The following LHFPL6 variants were observed in gnomAD, a reference collection of about 807,000 sequenced individuals.
The protein encoded by LHFPL6 is LHFPL tetraspan subfamily member 6 protein.
A neutral mutation model predicts 20.6 loss-of-function variants in LHFPL6; 9 were observed. The observed-to-expected ratio is 0.44, with a 90% CI of 0.26 to 0.76. LHFPL6 has a LOEUF of 0.76. Among genes scored for constraint, LHFPL6 ranks in the 30% least tolerant of loss-of-function variants. LHFPL6 has a pLI of 0.20. For synonymous variants in LHFPL6, 105 were observed against 98.7 expected, an observed-to-expected ratio of 1.06 and a Z score of -0.38; for missense variants, 218 against 253.5, an observed-to-expected ratio of 0.86 and a Z score of 0.95.
At chr13:39,421,476 C>G (rs917693004) in intron 2 of LHFPL6, among the ~76,000 whole-genome samples, 1 of 152,138 alleles carries the variant, frequency 6.6e-6, no homozygotes, top group African/African-American at 2.4e-5. Context: ...AAAAAATTCT[C>G]ATTGTCATTT....
chr13:39,409,752 T>C (rs115772739), intron 2 of LHFPL6, among the ~76,000 whole-genome samples: 202 of 152,172 alleles, frequency 1.3e-3, no homozygotes, highest in African/African-American at 4.7e-3. Flanking sequence ...ATTACAAATG[T>C]CATTTGGTTA....
chr13:39,526,161 T>C (rs1266000227), intron 2 of LHFPL6, among the ~76,000 whole-genome samples: 2 of 152,206 alleles, frequency 1.3e-5, no homozygotes, highest in African/African-American at 2.4e-5. Context: ...TAACCCTATA[T>C]TGACTGATGT....
At chr13:39,500,122 AC>A (rs1201966435) in intron 2 of LHFPL6, among the ~76,000 whole-genome samples, 1 of 151,682 alleles carries the variant, frequency 6.6e-6, no homozygotes, top group Non-Finnish European at 1.5e-5. Context: ...GTTTCTTCAA[AC>A]CCTTCATCAT....
At chr13:39,531,553 G>A in intron 2 of LHFPL6, among the ~76,000 whole-genome samples, 1 of 152,090 alleles carries the variant, frequency 6.6e-6, no homozygotes, top group East Asian at 1.9e-4. Context: ...AAATAAAAGG[G>A]TACAGAAGTA....
At chr13:39,463,453 A>G (rs1262843513) in intron 2 of LHFPL6, among the ~76,000 whole-genome samples, 2 of 152,232 alleles carry the variant, frequency 1.3e-5, no homozygotes, top group African/African-American at 4.8e-5. Flanking sequence ...TATTGATTAT[A>G]AAACTATTCA....
intron 2 of LHFPL6, among the ~76,000 whole-genome samples, chr13:39,553,111 T>G (rs1282991812): frequency 2.0e-5 from 3 of 152,108 alleles, no homozygotes; most frequent in Admixed American, 2.0e-4. Flanking sequence ...AATGAGAAAA[T>G]TGAAATATGT....
chr13:39,542,133 A>AT (rs57877231), intron 2 of LHFPL6, among the ~76,000 whole-genome samples: 5 of 138,782 alleles, frequency 3.6e-5, no homozygotes, highest in South Asian at 2.4e-4. Context: ...AATAATAATA[A>AT]AATAAAAATG....
At chr13:39,359,348 T>C (rs79240221) in intron 3 of LHFPL6, among the ~76,000 whole-genome samples, 2,469 of 152,236 alleles carry the variant, frequency 0.016, 32 homozygotes, top group South Asian at 0.065. Flanking sequence ...CCAAAATAAA[T>C]TGTTCTACCA....
At chr13:39,586,715 G>A (rs961742176) in intron 2 of LHFPL6, among the ~76,000 whole-genome samples, 1 of 152,004 alleles carries the variant, frequency 6.6e-6, no homozygotes, top group Non-Finnish European at 1.5e-5. Flanking sequence ...TCTCACCATC[G>A]CTGGCCAACA....
chr13:39,405,002 T>C (rs1265938407), intron 2 of LHFPL6, among the ~76,000 whole-genome samples: 1 of 152,214 alleles, frequency 6.6e-6, no homozygotes, highest in African/African-American at 2.4e-5. Context: ...ACAGGTACTG[T>C]GGAGTGACAG....
At chr13:39,376,220 G>T (rs1479062990) in intron 3 of LHFPL6, among the ~76,000 whole-genome samples, 1 of 152,144 alleles carries the variant, frequency 6.6e-6, no homozygotes, top group Non-Finnish European at 1.5e-5. Flanking sequence ...TGAGGCCTGT[G>T]TTGAACAGCC....
At chr13:39,591,124 T>C (rs977343928) in intron 2 of LHFPL6, among the ~76,000 whole-genome samples, 1 of 152,224 alleles carries the variant, frequency 6.6e-6, no homozygotes, top group African/African-American at 2.4e-5. Context: ...CTTACTATGA[T>C]TATTATTTTT....
chr13:39,365,478 C>T (rs748827833), intron 3 of LHFPL6, among the ~76,000 whole-genome samples: 17 of 152,118 alleles, frequency 1.1e-4, no homozygotes, highest in Non-Finnish European at 1.6e-4. Context: ...CTCTTGGGAA[C>T]GAACCTCATT....
At chr13:39,416,460 C>T (rs1022582536) in intron 2 of LHFPL6, among the ~76,000 whole-genome samples, 1 of 151,936 alleles carries the variant, frequency 6.6e-6, no homozygotes, top group Non-Finnish European at 1.5e-5. Context: ...TGGTGCCACA[C>T]AATGATACTT....
chr13:39,393,652 G>T (rs1364618192), intron 2 of LHFPL6, among the ~76,000 whole-genome samples: 1 of 152,192 alleles, frequency 6.6e-6, no homozygotes, highest in Non-Finnish European at 1.5e-5. Context: ...GGCCAAGGAA[G>T]TTGGCCTTTA....
At chr13:39,450,964 A>C (rs190352214) in intron 2 of LHFPL6, among the ~76,000 whole-genome samples, 2 of 152,324 alleles carry the variant, frequency 1.3e-5, no homozygotes, top group East Asian at 3.9e-4. Context: ...TTAAGAGTTC[A>C]CATATTAGGA....
At chr13:39,570,773 G>C (rs188784819) in intron 2 of LHFPL6, among the ~76,000 whole-genome samples, 1 of 152,160 alleles carries the variant, frequency 6.6e-6, no homozygotes, top group African/African-American at 2.4e-5. Flanking sequence ...ATGTGAGTGC[G>C]TGTGAGTGAA....
At position 39,601,661 on chromosome 13, in the gene LHFPL6, C is replaced by G. The variant is rs551513751; in HGVS notation, c.-174-271G>C. On this transcript the variant is annotated intron_variant, in intron 1 of 3. Coordinates refer to ENST00000379589, the MANE Select transcript of LHFPL6 (RefSeq NM_005780.3). ...AACGCCCGATTTTTATTTGACAGGC[C>G]AATGAATTCATTCTATATATTATAT... Among the ~76,000 whole-genome samples the G allele has an allele frequency of 1.5e-3, 230 of 152,228 alleles. 2 individuals carry two copies. The highest frequency in any genetic ancestry group is 5.4e-3 in the African/African-American group (223 of 41,546).
chr13:39,447,823 T>C (rs1362869576), intron 2 of LHFPL6, among the ~76,000 whole-genome samples: 2 of 152,188 alleles, frequency 1.3e-5, no homozygotes, highest in African/African-American at 4.8e-5. Flanking sequence ...AAATTACTGA[T>C]AATTTTGAAA....
Sources: gnomAD v4.1 joint callset for allele counts (sites outside exome capture counted in the v4.1 genomes callset) on GRCh38, gnomAD v4.1.1 for gene constraint, MANE v1.5 for transcripts, NCBI Gene and HGNC (gene_info 2026-07-23, HGNC 2026-07-21) for gene names.